The following ADAMTSL3 variants were observed in gnomAD, a reference collection of about 807,000 sequenced individuals.
The protein encoded by ADAMTSL3 is ADAMTS-like protein 3.
Under a neutral mutation model 201.7 loss-of-function variants are expected in ADAMTSL3, and 128 were observed. The ratio of observed to expected loss-of-function variants is 0.63; its 90% CI spans 0.55 to 0.73. The LOEUF is 0.73. Ranked by LOEUF, ADAMTSL3 falls within the 30% of genes least tolerant of loss-of-function variation. The pLI is 0.00. For missense variants in ADAMTSL3, 1,990 were observed against 2,119.6 expected, an observed-to-expected ratio of 0.94 and a Z score of 1.20; for synonymous variants, 738 against 748.4, an observed-to-expected ratio of 0.99 and a Z score of 0.23.
At chr15:84,028,432 T>A (rs888022235) in intron 27 of ADAMTSL3, among the ~76,000 whole-genome samples, 2 of 152,202 alleles carry the variant, frequency 1.3e-5, no homozygotes, top group Non-Finnish European at 2.9e-5. Flanking sequence ...AAGACCTTTT[T>A]AAGCATAAAA....
chr15:83,752,690 A>G (rs1347525236), intron 3 of ADAMTSL3, among the ~76,000 whole-genome samples: 5 of 152,244 alleles, frequency 3.3e-5, no homozygotes, highest in Non-Finnish European at 7.3e-5. Context: ...AAGTGCTTGA[A>G]ATGTGGCTAG....
intron 7 of ADAMTSL3, among the ~76,000 whole-genome samples, chr15:83,851,277 C>T (rs375728004): frequency 2.6e-5 from 4 of 152,102 alleles, no homozygotes; most frequent in Non-Finnish European, 4.4e-5. Flanking sequence ...CCTGGGTGCT[C>T]GGCAGTGTGC....
intron 3 of ADAMTSL3, among the ~76,000 whole-genome samples, chr15:83,724,361 G>A (rs1229467728): frequency 6.6e-6 from 1 of 152,006 alleles, no homozygotes; most frequent in African/African-American, 2.4e-5. Context: ...GCCTTCCAAA[G>A]TGCTGGGGTT....
chr15:84,030,360 G>A (rs1312065973), intron 27 of ADAMTSL3, among the ~76,000 whole-genome samples: 3 of 152,204 alleles, frequency 2.0e-5, no homozygotes, highest in Admixed American at 1.3e-4. Context: ...TCAGCATGAT[G>A]GAAGACACGG....
intron 9 of ADAMTSL3, 71 bp from the exon 10 acceptor site, chr15:83,885,030 C>A: frequency 2.0e-6 from 2 of 996,020 alleles, no homozygotes; most frequent in Admixed American, 2.3e-5. Context: ...GAACATTTAT[C>A]TTATTTTGAA....
intron 19 of ADAMTSL3, among the ~76,000 whole-genome samples, chr15:83,960,091 A>G (rs1488227129): frequency 6.6e-6 from 1 of 152,222 alleles, no homozygotes. Flanking sequence ...AAAAGTGATA[A>G]TATGGTAATG....
chr15:83,828,316 G>A (rs1208292504), intron 6 of ADAMTSL3, among the ~76,000 whole-genome samples: 1 of 152,034 alleles, frequency 6.6e-6, no homozygotes, highest in East Asian at 1.9e-4. Context: ...CTCATGATTT[G>A]GCTCTCTGTT....
chr15:83,770,537 T>C (rs1171937234), intron 3 of ADAMTSL3, among the ~76,000 whole-genome samples: 1 of 152,228 alleles, frequency 6.6e-6, no homozygotes, highest in Non-Finnish European at 1.5e-5. Flanking sequence ...GAAAATGATA[T>C]ATGTGTTTTT....
chr15:83,669,897 T>C (rs916396709), intron 2 of ADAMTSL3, among the ~76,000 whole-genome samples: 19 of 152,164 alleles, frequency 1.2e-4, no homozygotes, highest in African/African-American at 4.3e-4. Flanking sequence ...ATTATGACTT[T>C]GGGAGGAGTT....
intron 3 of ADAMTSL3, among the ~76,000 whole-genome samples, chr15:83,712,151 A>G (rs1162193324): frequency 1.3e-5 from 2 of 152,152 alleles, no homozygotes; most frequent in Non-Finnish European, 2.9e-5. Flanking sequence ...TTCTGTCACA[A>G]TCCCTGGATG....
chr15:83,816,887 C>T (rs933891760), intron 5 of ADAMTSL3, among the ~76,000 whole-genome samples: 1 of 152,072 alleles, frequency 6.6e-6, no homozygotes, highest in Non-Finnish European at 1.5e-5. Context: ...CCCCAGCTAC[C>T]TGGGAGGCTG....
intron 21 of ADAMTSL3, among the ~76,000 whole-genome samples, chr15:83,986,329 T>C (rs570750665): frequency 6.6e-6 from 1 of 152,242 alleles, no homozygotes; most frequent in Admixed American, 6.5e-5. Context: ...TTTAAATAAA[T>C]ATTTATTTGA....
rs761673038 is a variant in ADAMTSL3 at position 83,982,877 on chromosome 15, A to C, written c.3249A>C (p.Ala1083=). Residue 1083 remains alanine (A), a synonymous_variant, in exon 21 of 30, where the codon GCA becomes GCC. Coordinates refer to ENST00000286744, the MANE Select transcript of ADAMTSL3 (RefSeq NM_207517.3). ...TGAAGAATAAGCAGTTTGAAGCAGCAGTTAAACAAGGAGCATATAGCATGG... is the reference window on the plus strand; with the variant it reads ...TGAAGAATAAGCAGTTTGAAGCAGCCGTTAAACAAGGAGCATATAGCATGG... The part of the protein sequence containing the change: ...WELKNKQFEA[A]VKQGAYSMDT... The C allele has an allele frequency of 1.9e-6, 3 of 1,614,122 alleles. No individual in the cohort carries two copies. The highest frequency in any genetic ancestry group is 2.2e-5 in the South Asian group (2 of 91,084).
chr15:84,034,040 C>A (rs892284955), intron 28 of ADAMTSL3, among the ~76,000 whole-genome samples: 1 of 152,044 alleles, frequency 6.6e-6, no homozygotes, highest in Non-Finnish European at 1.5e-5. Context: ...ATTTCTGTTT[C>A]CTCCAGGATT....
At position 83,655,850 on chromosome 15, in the gene ADAMTSL3, G is replaced by A. The variant is rs746912640; in HGVS notation, c.69+20G>A. On this transcript the variant is annotated intron_variant, in intron 2 of 29. Coordinates refer to ENST00000286744, the MANE Select transcript of ADAMTSL3 (RefSeq NM_207517.3). ...CCGCAGGTAAGGTCATATAGGGAGG[G>A]GAAGGGAAATGGTGGACATCCCTCT... The A allele has an allele frequency of 6.2e-7, 1 of 1,610,520 alleles. No individual in the cohort carries two copies. Among genetic ancestry groups the A allele is most frequent in the African/African-American group, 1.3e-5 (1 of 74,942 alleles).
chr15:83,896,353 A>T (rs1006712637), intron 13 of ADAMTSL3, among the ~76,000 whole-genome samples: 24 of 152,210 alleles, frequency 1.6e-4, no homozygotes, highest in Admixed American at 1.2e-3. Context: ...CTCCTCAAAA[A>T]CAAGAATATA....
At chr15:83,680,875 GT>G (rs1217938800) in intron 2 of ADAMTSL3, among the ~76,000 whole-genome samples, 1 of 151,874 alleles carries the variant, frequency 6.6e-6, no homozygotes. Context: ...CAAAGGTCAT[GT>G]TTTCTTTAAT....
At chr15:83,767,675 C>T (rs2062915752) in intron 3 of ADAMTSL3, among the ~76,000 whole-genome samples, 2 of 152,212 alleles carry the variant, frequency 1.3e-5, no homozygotes, top group African/African-American at 4.8e-5. Context: ...CCCAAGAATA[C>T]AGGTTCCACC....
At chr15:83,704,650 C>G in intron 3 of ADAMTSL3, 142 bp downstream of exon 3, 1 of 1,111,660 alleles carries the variant, frequency 9.0e-7, no homozygotes, top group East Asian at 2.5e-5. Context: ...TTGAAGGATC[C>G]CAGAATATGT....
Sources: allele counts gnomAD v4.1 joint callset (sites outside exome capture counted in the v4.1 genomes callset), GRCh38; gene constraint gnomAD v4.1.1; transcripts MANE v1.5; gene names NCBI Gene and HGNC (gene_info 2026-07-23, HGNC 2026-07-21).